The following TNS1 variants were observed in gnomAD, a reference collection of about 807,000 sequenced individuals.
TNS1 encodes the protein tensin-1.
Under a neutral mutation model 168.6 loss-of-function variants are expected in TNS1, and 62 were observed. The observed-to-expected ratio is 0.37, with a 90% CI of 0.30 to 0.45. The LOEUF is 0.45. Among genes scored for constraint, TNS1 ranks in the 20% least tolerant of loss-of-function variants. The probability of loss-of-function intolerance (pLI) is 1.00; values close to 1 mark genes in which losing one functional copy is unlikely to be tolerated. For synonymous variants in TNS1, 934 were observed against 933.2 expected (o/e 1.00, Z -0.02); for missense variants, 2,240 against 2,339.4 (o/e 0.96, Z 0.88).
chr2:217,955,485 G>T (rs1957339708), intron 3 of TNS1, among the ~76,000 whole-genome samples: 2 of 151,560 alleles, frequency 1.3e-5, no homozygotes, highest in African/African-American at 2.4e-5. Flanking sequence ...ATCCTGAGAA[G>T]TGGGCCCAAA....
chr2:217,892,874 G>T, intron 11 of TNS1, 74 bp downstream of exon 11: 1 of 1,502,970 alleles, frequency 6.7e-7, no homozygotes, highest in East Asian at 2.3e-5. Flanking sequence ...GGAGCAGAGA[G>T]GCTGTGGGTG....
intron 18 of TNS1, chr2:217,858,452 G>A: frequency 2.2e-6 from 2 of 924,338 alleles, no homozygotes; most frequent in Non-Finnish European, 2.6e-6. Context: ...AGCCACACAA[G>A]AACACTCACA....
rs61745431 is a variant in TNS1 at position 217,818,673 on chromosome 2, C to T, written c.3659G>A (p.Arg1220His). 6.8e-4 allele frequency: 1,092 copies of T among 1,614,174 alleles called. 8 individuals carry two copies. In the African/African-American group the frequency reaches 0.012, roughly 18 times the overall value. Residue 1220 changes from arginine (R) to histidine (H), a missense_variant, in exon 24 of 33, where the codon CGC (arginine) becomes CAC (histidine). By Grantham distance (29) the Arg-to-His change is conservative (BLOSUM62 0). Transcript: ENST00000682258. ...PTQPLLESGF[R>H]SGSLGQPSPS... Reference sequence around the variant, plus strand: ...GCTGGGCTGTCCCAGGCTGCCTGAGCGGAAGCCAGACTCCAACAGAGGCTG... The same window carrying T: ...GCTGGGCTGTCCCAGGCTGCCTGAGTGGAAGCCAGACTCCAACAGAGGCTG...
chr2:217,806,242 C>T (rs1269355066), intron 32 of TNS1, among the ~76,000 whole-genome samples: 1 of 152,262 alleles, frequency 6.6e-6, no homozygotes, highest in Non-Finnish European at 1.5e-5. Context: ...CTGTCATCTG[C>T]CACAAGGAAT....
chr2:217,963,143 G>A (rs1465156845), intron 3 of TNS1, among the ~76,000 whole-genome samples: 1 of 152,190 alleles, frequency 6.6e-6, no homozygotes, highest in Admixed American at 6.5e-5. Flanking sequence ...CAAGAATTAA[G>A]TCCTTGGAAG....
At chr2:217,934,443 GCCAC>G in intron 3 of TNS1, among the ~76,000 whole-genome samples, 1 of 152,308 alleles carries the variant, frequency 6.6e-6, no homozygotes, top group Non-Finnish European at 1.5e-5. Context: ...CAGTCTAGGA[GCCAC>G]CTACCCAGTG....
intron 3 of TNS1, among the ~76,000 whole-genome samples, chr2:217,973,113 G>A (rs887850363): frequency 6.6e-6 from 1 of 152,078 alleles, no homozygotes; most frequent in Non-Finnish European, 1.5e-5. Flanking sequence ...CAGCACTTTG[G>A]GAAGTCAAGG....
intron 18 of TNS1, among the ~76,000 whole-genome samples, chr2:217,862,469 GGTA>G (rs1559259275): frequency 6.6e-6 from 1 of 152,156 alleles, no homozygotes; most frequent in African/African-American, 2.4e-5. Context: ...AAGTTCTAGA[GGTA>G]GGAGGGTGGG....
intron 27 of TNS1, 91 bp from the exon 28 acceptor site, chr2:217,812,536 C>T: frequency 1.9e-6 from 2 of 1,043,390 alleles, no homozygotes; most frequent in Non-Finnish European, 2.8e-6. Flanking sequence ...TACACACAAT[C>T]TTCCACTTCT....
rs186255060 is a variant in TNS1, at chr2:217,836,103, C to T, written c.3116G>A (p.Arg1039His). The T allele has an allele frequency of 3.8e-5, 62 of 1,613,944 alleles. No individual in the cohort carries two copies. The highest frequency in any genetic ancestry group is 1.6e-4 in the Middle Eastern group (1 of 6,080). Residue 1039 changes from arginine (R) to histidine (H), a missense_variant, in exon 20 of 33, where the codon CGT becomes CAT. Around this residue, in one of 2 missense-constraint regions of TNS1, gnomAD observed 2,131 missense variants for 2,171.2 expected, o/e 0.98. Transcript: ENST00000682258. ...ENQSPEATSP[R>H]SPGVRSPVQC... ...GACAGGGGAGCGAACCCCAGGGCTA[C>T]GAGGGGATGTGGCTTCTGGAGACTG...
chr2:217,946,967 T>TCACACA (rs1377730479), intron 3 of TNS1, among the ~76,000 whole-genome samples: 62 of 125,346 alleles, frequency 4.9e-4, no homozygotes, highest in African/African-American at 2.3e-3. Flanking sequence ...TCTCTCTCTC[T>TCACACA]CTCACACACA....
At chr2:218,011,196 C>T (rs1958702783), upstream of TNS1, among the ~76,000 whole-genome samples, 1 of 152,114 alleles carries the variant, frequency 6.6e-6, no homozygotes, top group African/African-American at 2.4e-5. Flanking sequence ...GAGGATGGGG[C>T]CCTCTCAGGA....
chr2:218,030,980 GTA>G (rs1365114198), intron 1 of TNS1, among the ~76,000 whole-genome samples: 1 of 151,438 alleles, frequency 6.6e-6, no homozygotes, highest in African/African-American at 2.4e-5. Context: ...TGAACTGTGT[GTA>G]TGAGTGTATG....
At chr2:217,891,967 C>T (rs78307850) in intron 11 of TNS1, among the ~76,000 whole-genome samples, 3,362 of 152,302 alleles carry the variant, frequency 0.022, 132 homozygotes, top group African/African-American at 0.077. Flanking sequence ...TACTCTTTCA[C>T]GATAATTATC....
intron 23 of TNS1, among the ~76,000 whole-genome samples, chr2:217,819,669 T>A (rs547217579): frequency 6.6e-6 from 1 of 152,310 alleles, no homozygotes; most frequent in African/African-American, 2.4e-5. Context: ...TTTTTTTGCT[T>A]ATTAAAGTTT....
At chr2:217,812,605 A>C (rs915958368) in intron 27 of TNS1, among the ~76,000 whole-genome samples, 160 bp from the exon 28 acceptor site, 2 of 152,194 alleles carry the variant, frequency 1.3e-5, no homozygotes, top group African/African-American at 4.8e-5. Context: ...CTTGTTGAAC[A>C]AGATCCAACA....
At chr2:217,935,528 C>G (rs1229330951) in intron 3 of TNS1, among the ~76,000 whole-genome samples, 1 of 152,222 alleles carries the variant, frequency 6.6e-6, no homozygotes, top group East Asian at 1.9e-4. Context: ...CACGCTTGGC[C>G]TAGCTCAGCC....
chr2:217,940,475 G>T (rs370161866), intron 3 of TNS1, among the ~76,000 whole-genome samples: 2 of 152,114 alleles, frequency 1.3e-5, no homozygotes, highest in African/African-American at 4.8e-5. Flanking sequence ...TCAGGCTCAC[G>T]GCACACTCAG....
chr2:217,825,533 A>C (rs1943490376), intron 22 of TNS1, among the ~76,000 whole-genome samples: 1 of 152,152 alleles, frequency 6.6e-6, no homozygotes, highest in Non-Finnish European at 1.5e-5. Context: ...CCTGACCCAC[A>C]CATTAGGTAA....
Sources: gnomAD v4.1 joint callset for allele counts (sites outside exome capture counted in the v4.1 genomes callset) on GRCh38, gnomAD v4.1.1 for gene constraint, gnomAD v4.1.1 regional missense constraint, MANE v1.5 for transcripts, NCBI Gene and HGNC (gene_info 2026-07-23, HGNC 2026-07-21) for gene names.